The following LMBR1 variants were observed in gnomAD, a reference collection of about 807,000 sequenced individuals.
The protein encoded by LMBR1 is limb region 1 protein homolog.
In LMBR1, 52 loss-of-function variants were observed where a neutral mutation model predicts 73.9. The ratio of observed to expected loss-of-function variants is 0.70; its 90% CI spans 0.56 to 0.89. The LOEUF is 0.89. Ranked by LOEUF, LMBR1 falls within the 40% of genes least tolerant of loss-of-function variation. The probability of loss-of-function intolerance (pLI) is 0.00; values close to 1 mark genes in which losing one functional copy is unlikely to be tolerated. For missense variants in LMBR1, 539 were observed against 579.8 expected, an observed-to-expected ratio of 0.93 and a Z score of 0.72; for synonymous variants, 215 against 209.4, an observed-to-expected ratio of 1.03 and a Z score of -0.23.
chr7:156,742,702 A>G (rs1308576981), intron 9 of LMBR1, among the ~76,000 whole-genome samples: 1 of 152,192 alleles, frequency 6.6e-6, no homozygotes, highest in African/African-American at 2.4e-5. Context: ...AACTAATACC[A>G]ATCCTATTCA....
downstream of LMBR1, chr7:156,675,986 G>A (rs1457725724): frequency 4.8e-6 from 5 of 1,038,164 alleles, no homozygotes; most frequent in Non-Finnish European, 5.6e-6. Flanking sequence ...CAGGCCCGGG[G>A]TGCAGCCGTG....
At chr7:156,765,290 C>T (rs924837401) in intron 5 of LMBR1, among the ~76,000 whole-genome samples, 3 of 152,138 alleles carry the variant, frequency 2.0e-5, no homozygotes, top group Admixed American at 2.0e-4. Context: ...GGGTGGTTTC[C>T]CCCATGCTGT....
At chr7:156,767,591 T>C (rs1236303768) in intron 5 of LMBR1, among the ~76,000 whole-genome samples, 1 of 151,976 alleles carries the variant, frequency 6.6e-6, no homozygotes, top group African/African-American at 2.4e-5. Context: ...TTACCACTAA[T>C]CTTACTAGTA....
Position 156,843,253 on chromosome 7 carries a change from T to C in LMBR1, c.67-6368A>G, listed in dbSNP as rs112844398. Among the ~76,000 whole-genome samples the C allele has an allele frequency of 4.9e-4, 74 of 152,240 alleles. 1 individual carries two copies. Among genetic ancestry groups the C allele is most frequent in the African/African-American group, 1.8e-3 (74 of 41,508 alleles). On this transcript the variant is annotated intron_variant, in intron 1 of 16. Coordinates refer to ENST00000353442, the MANE Select transcript of LMBR1 (RefSeq NM_022458.4). ...GGTAACATCAAATACTCCCAGGATT[T>C]CAACATCAATCCCAAGGAAGCCCCT...
At chr7:156,785,442 A>T (rs149084946) in intron 5 of LMBR1, among the ~76,000 whole-genome samples, 1 of 152,220 alleles carries the variant, frequency 6.6e-6, no homozygotes, top group Non-Finnish European at 1.5e-5. Flanking sequence ...CGCAAGCCAA[A>T]TAAGACCCAG....
intron 1 of LMBR1, among the ~76,000 whole-genome samples, chr7:156,873,370 A>C (rs1272324161): frequency 6.6e-6 from 1 of 152,162 alleles, no homozygotes; most frequent in Non-Finnish European, 1.5e-5. Context: ...TGAGTGTTAC[A>C]GCTCATAAAA....
intron 15 of LMBR1, among the ~76,000 whole-genome samples, chr7:156,723,458 G>C (rs777101917): frequency 7.2e-5 from 11 of 152,110 alleles, no homozygotes; most frequent in Non-Finnish European, 1.0e-4. Context: ...AATATTTAGT[G>C]AAGAACTCAG....
intron 9 of LMBR1, among the ~76,000 whole-genome samples, chr7:156,753,528 T>C (rs968721753): frequency 1.3e-5 from 2 of 152,198 alleles, no homozygotes; most frequent in Middle Eastern, 3.4e-3. Flanking sequence ...GTTTTGTTCA[T>C]GAGTTAATTC....
intron 9 of LMBR1, among the ~76,000 whole-genome samples, chr7:156,754,306 T>A (rs940622640): frequency 6.6e-6 from 1 of 152,342 alleles, no homozygotes; most frequent in Admixed American, 6.5e-5. Context: ...AAACCAAGTA[T>A]GAAAATTCAA....
At chr7:156,878,956 C>T (rs1336063297) in intron 1 of LMBR1, among the ~76,000 whole-genome samples, 1 of 151,986 alleles carries the variant, frequency 6.6e-6, no homozygotes, top group Non-Finnish European at 1.5e-5. Context: ...GGGGAAACGA[C>T]ACCAACAAAT....
rs565514185 is a variant in LMBR1 at position 156,796,061 on chromosome 7, C to T, written c.423+328G>A. Among the ~76,000 whole-genome samples, 14 of 152,152 alleles carry T rather than the reference C, an allele frequency of 9.2e-5. 1 individual carries two copies. The South Asian group carries it at 2.1e-3, about 23-fold the overall frequency. On this transcript the variant is annotated intron_variant, in intron 5 of 16. Coordinates refer to ENST00000353442, the MANE Select transcript of LMBR1 (RefSeq NM_022458.4). ...CAGCTAGATAACAGAAAGGGGAGCC[C>T]ATGGAAATAACACTTTACTGTCACC...
At chr7:156,796,535 A>G (rs757301045) in intron 4 of LMBR1, 43 bp from the exon 5 acceptor site, 1 of 1,307,288 alleles carries the variant, frequency 7.6e-7, no homozygotes, top group Non-Finnish European at 1.1e-6. Context: ...CAGGTTAGAT[A>G]TTGAAATTGT....
intron 15 of LMBR1, among the ~76,000 whole-genome samples, chr7:156,703,369 T>G (rs554744547): frequency 6.6e-6 from 1 of 152,216 alleles, no homozygotes; most frequent in Non-Finnish European, 1.5e-5. Flanking sequence ...GGAACCAGGC[T>G]GTCTCCTAAG....
chr7:156,688,498 G>A (rs569454357), intron 15 of LMBR1, among the ~76,000 whole-genome samples: 64 of 152,102 alleles, frequency 4.2e-4, no homozygotes, highest in Middle Eastern at 6.8e-3. Context: ...CACTCGTGCT[G>A]CTTACATGGG....
intron 1 of LMBR1, among the ~76,000 whole-genome samples, chr7:156,863,109 T>C (rs955614332): frequency 6.6e-6 from 1 of 152,162 alleles, no homozygotes; most frequent in African/African-American, 2.4e-5. Flanking sequence ...ATAGAAGATA[T>C]ATATATGTAT....
At chr7:156,746,917 G>A (rs1405023552) in intron 9 of LMBR1, among the ~76,000 whole-genome samples, 1 of 152,136 alleles carries the variant, frequency 6.6e-6, no homozygotes, top group African/African-American at 2.4e-5. Flanking sequence ...AAAATGTCCA[G>A]TGTCAGCATT....
intron 1 of LMBR1, among the ~76,000 whole-genome samples, chr7:156,877,360 C>A (rs1419998968): frequency 1.3e-5 from 2 of 151,992 alleles, no homozygotes; most frequent in Non-Finnish European, 2.9e-5. Flanking sequence ...CGACACTATT[C>A]CACAAGATAA....
At chr7:156,837,496 G>A (rs916989066) in intron 1 of LMBR1, among the ~76,000 whole-genome samples, 2 of 149,012 alleles carry the variant, frequency 1.3e-5, no homozygotes, top group African/African-American at 4.9e-5. Context: ...TGAAGAATCA[G>A]ACCATCACCA....
chr7:156,728,769 T>A (rs1462968468), intron 10 of LMBR1, 49 bp from the exon 11 acceptor site: 16 of 1,289,924 alleles, frequency 1.2e-5, no homozygotes, highest in Non-Finnish European at 1.5e-5. Context: ...CAAATTAACA[T>A]TTTCCTTCCA....
Sources: allele counts gnomAD v4.1 joint callset (sites outside exome capture counted in the v4.1 genomes callset), GRCh38; gene constraint gnomAD v4.1.1; transcripts MANE v1.5; gene names NCBI Gene and HGNC (gene_info 2026-07-23, HGNC 2026-07-21).